CSMD1: variants seen among roughly 807,000 people sequenced by gnomAD.
CSMD1 encodes CUB and Sushi multiple domains 1.
Under a neutral mutation model 417.5 loss-of-function variants are expected in CSMD1, and 213 were observed. That is an observed-to-expected ratio of 0.51 (90% CI 0.46 to 0.57). The LOEUF is 0.57. Ranked by LOEUF, CSMD1 falls within the 20% of genes least tolerant of loss-of-function variation. The probability of loss-of-function intolerance (pLI) is 0.00; values close to 1 mark genes in which losing one functional copy is unlikely to be tolerated. For synonymous variants in CSMD1, 2,862 were observed against 1,736.8 expected (o/e 1.65, Z -16.11); for missense variants, 6,923 against 4,529.7 (o/e 1.53, Z -15.17).
intron 3 of CSMD1, among the ~76,000 whole-genome samples, chr8:4,162,939 C>G (rs1230140196): frequency 6.6e-6 from 1 of 152,172 alleles, no homozygotes; most frequent in East Asian, 1.9e-4. Context: ...TTTTTACTGT[C>G]TCTACAGTTC....
chr8:3,728,022 T>C (rs987684869), intron 6 of CSMD1, among the ~76,000 whole-genome samples: 21 of 152,206 alleles, frequency 1.4e-4, no homozygotes, highest in African/African-American at 5.1e-4. Context: ...ACAGTGTGAC[T>C]GTATTCAATG....
At chr8:4,167,306 T>C (rs1797510273) in intron 3 of CSMD1, among the ~76,000 whole-genome samples, 1 of 152,188 alleles carries the variant, frequency 6.6e-6, no homozygotes, top group African/African-American at 2.4e-5. Context: ...ACAGAAAGCA[T>C]TCTTACGTAA....
At chr8:4,071,495 A>G (rs750359301) in intron 3 of CSMD1, among the ~76,000 whole-genome samples, 1 of 152,012 alleles carries the variant, frequency 6.6e-6, no homozygotes, top group Non-Finnish European at 1.5e-5. Context: ...TTTCACCAAG[A>G]GCATTGCTTC....
At chr8:3,331,009 G>C (rs931296836) in intron 23 of CSMD1, among the ~76,000 whole-genome samples, 7 of 152,060 alleles carry the variant, frequency 4.6e-5, no homozygotes, top group African/African-American at 1.7e-4. Flanking sequence ...CCAGGACTTT[G>C]GGAGGCCGAG....
chr8:3,787,550 G>C (rs910758595), intron 5 of CSMD1, among the ~76,000 whole-genome samples: 5 of 152,262 alleles, frequency 3.3e-5, no homozygotes, highest in African/African-American at 1.2e-4. Flanking sequence ...CCATGAATAG[G>C]TAAGAAGATA....
At chr8:4,890,457 ACT>A (rs1424622097) in intron 1 of CSMD1, among the ~76,000 whole-genome samples, 2 of 146,430 alleles carry the variant, frequency 1.4e-5, no homozygotes, top group Admixed American at 6.8e-5. Flanking sequence ...TGAGAACGTG[ACT>A]CTGACACCCT....
chr8:3,752,546 C>T (rs1201370283), intron 6 of CSMD1, among the ~76,000 whole-genome samples: 1 of 151,650 alleles, frequency 6.6e-6, no homozygotes, highest in Non-Finnish European at 1.5e-5. Context: ...CCCAGCTACT[C>T]GGGAGCCTGA....
intron 10 of CSMD1, among the ~76,000 whole-genome samples, chr8:3,566,865 C>G (rs1033021218): frequency 6.6e-6 from 1 of 152,140 alleles, no homozygotes; most frequent in Non-Finnish European, 1.5e-5. Context: ...TGGAAGGCAG[C>G]GTGGTGATTC....
chr8:3,372,861 T>C (rs1810059641), intron 18 of CSMD1, among the ~76,000 whole-genome samples: 1 of 152,068 alleles, frequency 6.6e-6, no homozygotes. Context: ...AATGTAGAAA[T>C]AAGCTTCCAT....
intron 3 of CSMD1, among the ~76,000 whole-genome samples, chr8:4,410,120 T>G (rs1027682527): frequency 1.6e-4 from 24 of 152,198 alleles, no homozygotes; most frequent in African/African-American, 5.3e-4. Flanking sequence ...GGTCCCATAC[T>G]TTATAATCTT....
chr8:4,027,677 G>C (rs971389029), intron 4 of CSMD1, among the ~76,000 whole-genome samples: 1 of 152,070 alleles, frequency 6.6e-6, no homozygotes, highest in Non-Finnish European at 1.5e-5. Context: ...CATGATAACG[G>C]ACTAATACAG....
At chr8:4,430,528 C>G (rs573341679) in intron 2 of CSMD1, among the ~76,000 whole-genome samples, 1 of 152,198 alleles carries the variant, frequency 6.6e-6, no homozygotes, top group African/African-American at 2.4e-5. Context: ...AAATTACACT[C>G]TGATAGACAC....
At chr8:3,128,401 A>T (rs528132765) in intron 41 of CSMD1, 1 of 155,132 alleles carries the variant, frequency 6.4e-6, no homozygotes, top group African/African-American at 2.4e-5. Flanking sequence ...CGTCTATAGT[A>T]ACATCTCTGA....
In CSMD1 at chr8:3,852,287, C is replaced by G. The variant is rs544677754; in HGVS notation, c.819-98245G>C. 2.8e-3 allele frequency among the ~76,000 whole-genome samples: 431 copies of G among 152,122 alleles called. 2 individuals are homozygous for G. Among genetic ancestry groups the G allele is most frequent in the Non-Finnish European group, 3.0e-3 (205 of 67,998 alleles). ...CTGTAGGCAGTGGATGCAGCGAACTCCTGCCCCAGAATCAGAGGTGGGGTT... is the reference window on the plus strand; with the variant it reads ...CTGTAGGCAGTGGATGCAGCGAACTGCTGCCCCAGAATCAGAGGTGGGGTT... On this transcript the variant is annotated intron_variant, in intron 5 of 69. Transcript: ENST00000635120.
At chr8:3,882,056 A>G (rs1018339720) in intron 5 of CSMD1, among the ~76,000 whole-genome samples, 8 of 152,226 alleles carry the variant, frequency 5.3e-5, no homozygotes, top group African/African-American at 1.9e-4. Flanking sequence ...ATAAAAGAAA[A>G]AACATATCAA....
chr8:3,242,087 T>G (rs1279592834), intron 26 of CSMD1, among the ~76,000 whole-genome samples: 1 of 143,904 alleles, frequency 6.9e-6, no homozygotes, highest in Non-Finnish European at 1.5e-5. Flanking sequence ...CTATCTGATT[T>G]GGGATAAAGA....
At chr8:4,274,944 G>A (rs190323258) in intron 3 of CSMD1, among the ~76,000 whole-genome samples, 2 of 152,102 alleles carry the variant, frequency 1.3e-5, no homozygotes, top group Non-Finnish European at 2.9e-5. Flanking sequence ...ATTTTCTTGA[G>A]AGCCATCAAC....
chr8:3,055,531 C>A (rs1052169061), intron 49 of CSMD1, among the ~76,000 whole-genome samples: 4 of 152,152 alleles, frequency 2.6e-5, no homozygotes, highest in Non-Finnish European at 5.9e-5. Flanking sequence ...AGTATTCATT[C>A]ATCTCTCATT....
chr8:4,453,543 C>A (rs796842749), intron 2 of CSMD1, among the ~76,000 whole-genome samples: 5 of 152,312 alleles, frequency 3.3e-5, no homozygotes, highest in African/African-American at 1.2e-4. Flanking sequence ...ACACAGCCGA[C>A]AGAATAACTT....
Sources: allele counts gnomAD v4.1 joint callset (sites outside exome capture counted in the v4.1 genomes callset), GRCh38; gene constraint gnomAD v4.1.1; transcripts MANE v1.5; gene names NCBI Gene and HGNC (gene_info 2026-07-23, HGNC 2026-07-21).